Variants in XXYLT1 observed in about 807,000 individuals in gnomAD.
The protein encoded by XXYLT1 is UDP-xylose:alpha-xyloside alpha-1,3-xylosyltransferase.
Under a neutral mutation model 28.9 loss-of-function variants are expected in XXYLT1, and 20 were observed. That is an observed-to-expected ratio of 0.69 (90% CI 0.49 to 1.00). The LOEUF (loss-of-function observed/expected upper bound fraction) is 1.00. XXYLT1 is among the 50% of genes least tolerant of loss of function. The pLI is 0.00. For missense variants in XXYLT1, 542 were observed against 560.1 expected (o/e 0.97, Z 0.33); for synonymous variants, 257 against 253.8 (o/e 1.01, Z -0.12).
chr3:195,112,745 C>A (rs1717835617), intron 3 of XXYLT1, among the ~76,000 whole-genome samples: 2 of 136,562 alleles, frequency 1.5e-5, no homozygotes, highest in Non-Finnish European at 3.1e-5. Flanking sequence ...GTAGGAACAG[C>A]TGAAGCAGTG....
chr3:195,268,925 G>A (rs1200766637), intron 1 of XXYLT1, among the ~76,000 whole-genome samples: 1 of 152,192 alleles, frequency 6.6e-6, no homozygotes, highest in African/African-American at 2.4e-5. Context: ...TGGATGATAA[G>A]ACATGATACA....
At chr3:195,259,644 C>T (rs1725609328) in intron 1 of XXYLT1, 1 of 985,364 alleles carries the variant, frequency 1.0e-6, no homozygotes, top group Admixed American at 6.1e-5. Context: ...AAGGTGGCAT[C>T]CGAGTCCCTC....
intron 3 of XXYLT1, among the ~76,000 whole-genome samples, chr3:195,134,875 G>GCA (rs1577065319): frequency 2.3e-5 from 2 of 85,768 alleles, no homozygotes; most frequent in East Asian, 1.9e-3. Flanking sequence ...GTGTGCGTGT[G>GCA]CGCGCGTGCG....
intron 2 of XXYLT1, among the ~76,000 whole-genome samples, chr3:195,183,812 T>C (rs1398185717): frequency 6.6e-6 from 1 of 152,164 alleles, no homozygotes; most frequent in East Asian, 1.9e-4. Context: ...ACTAGGACTC[T>C]ACCCCTCAAC....
chr3:195,184,440 C>G (rs1007396211), intron 2 of XXYLT1, among the ~76,000 whole-genome samples: 1 of 152,234 alleles, frequency 6.6e-6, no homozygotes. Flanking sequence ...ATCTTTAAAC[C>G]GAAAACATGA....
chr3:195,220,985 G>C lies in XXYLT1; in HGVS notation c.652+5724C>G, dbSNP rs116515105. ...TTCAGCCCAGTGATCGAGGTCAACAGCAACAGTGATAAACCATGTACCCTT... is the reference window on the plus strand; with the variant it reads ...TTCAGCCCAGTGATCGAGGTCAACACCAACAGTGATAAACCATGTACCCTT... On this transcript the variant is annotated intron_variant, in intron 2 of 3. Transcript: ENST00000310380. Among the ~76,000 whole-genome samples the C allele has an allele frequency of 7.9e-3, 1,202 of 152,318 alleles. 23 individuals carry two copies. Among genetic ancestry groups the C allele is most frequent in the African/African-American group, 0.027 (1,119 of 41,572 alleles).
chr3:195,269,862 AAC>A (rs1422443538), intron 1 of XXYLT1, among the ~76,000 whole-genome samples: 3 of 152,234 alleles, frequency 2.0e-5, no homozygotes, highest in African/African-American at 7.2e-5. Context: ...ACAGATGATA[AAC>A]AGAGATGGAA....
chr3:195,252,893 G>T (rs1725326925), intron 1 of XXYLT1, among the ~76,000 whole-genome samples: 1 of 152,160 alleles, frequency 6.6e-6, no homozygotes, highest in African/African-American at 2.4e-5. Flanking sequence ...AGGCGGGGAG[G>T]CGTTTATGGC....
intron 1 of XXYLT1, among the ~76,000 whole-genome samples, chr3:195,245,704 G>A (rs1724993760): frequency 6.6e-6 from 1 of 152,206 alleles, no homozygotes; most frequent in Admixed American, 6.5e-5. Flanking sequence ...ACGGAATCAT[G>A]GGGGCGGGTC....
chr3:195,152,798 C>T (rs1720349334), intron 3 of XXYLT1: 1 of 152,222 alleles, frequency 6.6e-6, no homozygotes, highest in Non-Finnish European at 1.5e-5. Context: ...CTGGGGAGAT[C>T]CAAATCTATT....
Position 195,240,753 on chromosome 3 carries a change from A to T in XXYLT1, c.505-13897T>A, listed in dbSNP as rs988561729. Among the ~76,000 whole-genome samples the T allele has an allele frequency of 6.6e-6, 1 of 152,134 alleles. No individual in the cohort carries two copies. Among genetic ancestry groups the T allele is most frequent in the Non-Finnish European group, 1.5e-5 (1 of 68,026 alleles). Reference sequence around the variant, plus strand: ...GTGGCACAAAGCTCAGGCACACTCTACCCAAGTCCAGCAATCCTGGTGCCC... The same window carrying T: ...GTGGCACAAAGCTCAGGCACACTCTTCCCAAGTCCAGCAATCCTGGTGCCC... On this transcript the variant is annotated intron_variant, in intron 1 of 3. Transcript: ENST00000310380. This position sits in a 1 kb window ranked among gnomAD's most constrained non-coding sequence, Gnocchi z 4.7.
At chr3:195,213,162 T>G (rs187217496) in intron 2 of XXYLT1, among the ~76,000 whole-genome samples, 3 of 152,144 alleles carry the variant, frequency 2.0e-5, no homozygotes, top group African/African-American at 7.2e-5. Context: ...TGAGGTAGCT[T>G]TGGCTGGAAG....
At chr3:195,087,823 G>A (rs966903748) in intron 3 of XXYLT1, among the ~76,000 whole-genome samples, 7 of 152,030 alleles carry the variant, frequency 4.6e-5, no homozygotes, top group African/African-American at 1.2e-4. Context: ...CAGTGGGTGC[G>A]CGCACCGTGC....
At chr3:195,253,236 T>C (rs548243584) in intron 1 of XXYLT1, among the ~76,000 whole-genome samples, 6 of 152,262 alleles carry the variant, frequency 3.9e-5, no homozygotes, top group South Asian at 4.1e-4. Context: ...CCCTCTCATA[T>C]TTCCAGGCTG....
chr3:195,237,812 GTTGT>G (rs1313532167), intron 1 of XXYLT1, among the ~76,000 whole-genome samples: 4 of 151,978 alleles, frequency 2.6e-5, no homozygotes, highest in East Asian at 3.9e-4. Context: ...TGGTTTGTTT[GTTGT>G]TTGTTTGTTT....
chr3:195,207,364 C>T (rs1723117893), intron 2 of XXYLT1: 2 of 419,080 alleles, frequency 4.8e-6, no homozygotes, highest in Admixed American at 5.2e-5. Context: ...CCCTGCCCTT[C>T]TTCAACAGAG....
intron 3 of XXYLT1, among the ~76,000 whole-genome samples, chr3:195,084,627 A>G (rs1715622097): frequency 6.6e-6 from 1 of 152,208 alleles, no homozygotes; most frequent in Admixed American, 6.5e-5. Flanking sequence ...TACTTAGGTC[A>G]GCCCTTGCAG....
At chr3:195,238,904 C>T (rs781217012) in intron 1 of XXYLT1, among the ~76,000 whole-genome samples, 3 of 152,160 alleles carry the variant, frequency 2.0e-5, no homozygotes, top group Non-Finnish European at 2.9e-5. Context: ...AACGGATCTG[C>T]GCAGGCATAC....
rs971911140 is a variant in XXYLT1, at chr3:195,180,429, C to A, written c.653-23848G>T. On this transcript the variant is annotated intron_variant, in intron 2 of 3. Coordinates refer to ENST00000310380, the MANE Select transcript of XXYLT1 (RefSeq NM_152531.5). The surrounding 1 kb of genome is among the most constrained non-coding windows in gnomAD (Gnocchi z 5.8). ...AGCCTCGCCGATTCCCGAGCTGTTT[C>A]CTGCTGCTTTTCTCATTTCATGAAC... 4.2e-5 allele frequency: 41 copies of A among 985,666 alleles called. No homozygotes were observed. The highest frequency in any genetic ancestry group is 4.8e-5 in the Non-Finnish European group (40 of 830,222). 61.1% of individuals were successfully genotyped at this position (985,666 alleles called of 1,614,324 possible). A position where few individuals can be genotyped will look rare whatever the true frequency, so the allele number is the denominator to read the frequency against.
Sources: allele counts gnomAD v4.1 joint callset (sites outside exome capture counted in the v4.1 genomes callset), GRCh38; gene constraint gnomAD v4.1.1; non-coding constraint Gnocchi (gnomAD v3.1); transcripts MANE v1.5; gene names NCBI Gene and HGNC (gene_info 2026-07-23, HGNC 2026-07-21).